Variants in VPS39 observed in about 807,000 individuals in gnomAD.
VPS39 encodes the protein vam6/Vps39-like protein.
VPS39 carries 70 observed loss-of-function variants against 121.0 expected under a neutral mutation model. That is an observed-to-expected ratio of 0.58 (90% CI 0.48 to 0.71). The LOEUF is 0.71. Ranked by LOEUF, VPS39 falls within the 30% of genes least tolerant of loss-of-function variation. VPS39 has a pLI of 0.00. For synonymous variants in VPS39, 378 were observed against 398.1 expected, an observed-to-expected ratio of 0.95 and a Z score of 0.60; for missense variants, 818 against 1,051.5, an observed-to-expected ratio of 0.78 and a Z score of 3.07.
intron 8 of VPS39, among the ~76,000 whole-genome samples, chr15:42,180,377 C>T (rs2049557262): frequency 6.6e-6 from 1 of 152,202 alleles, no homozygotes; most frequent in Non-Finnish European, 1.5e-5. Context: ...CTTCCTCTCT[C>T]TTTTGAAAAT....
chr15:42,169,285 G>A (rs1035716213), intron 12 of VPS39, among the ~76,000 whole-genome samples: 4 of 152,134 alleles, frequency 2.6e-5, no homozygotes, highest in Non-Finnish European at 5.9e-5. Context: ...ACACTAAAAT[G>A]TTAGTTTCTT....
chr15:42,165,488 T>C (rs1408766459), intron 17 of VPS39: 1 of 488,438 alleles, frequency 2.0e-6, no homozygotes, highest in Non-Finnish European at 3.6e-6. Flanking sequence ...TTTGGAATTT[T>C]TTTTTCTAAA....
At chr15:42,175,158 A>G (rs544062010) in intron 10 of VPS39, among the ~76,000 whole-genome samples, 1 of 152,306 alleles carries the variant, frequency 6.6e-6, no homozygotes, top group African/African-American at 2.4e-5. Flanking sequence ...TCACGCCTGT[A>G]ATCCCAGAAC....
At chr15:42,199,497 A>G (rs1186967964) in intron 2 of VPS39, 2 of 426,786 alleles carry the variant, frequency 4.7e-6, no homozygotes, top group Admixed American at 2.9e-5. Flanking sequence ...TAAGCCAACA[A>G]GATATTTTAA....
chr15:42,168,822 C>T (rs1394406153), intron 12 of VPS39, among the ~76,000 whole-genome samples: 1 of 152,202 alleles, frequency 6.6e-6, no homozygotes, highest in Non-Finnish European at 1.5e-5. Flanking sequence ...GGATTACGGG[C>T]ATGACCCACC....
intron 5 of VPS39, among the ~76,000 whole-genome samples, chr15:42,188,888 C>A (rs1255428829): frequency 2.0e-5 from 3 of 152,028 alleles, no homozygotes; most frequent in African/African-American, 4.8e-5. Context: ...ATCACTTGAG[C>A]CCGAGAGGCA....
chr15:42,205,752 T>C (rs1441898815), intron 1 of VPS39, among the ~76,000 whole-genome samples: 1 of 152,126 alleles, frequency 6.6e-6, no homozygotes, highest in East Asian at 1.9e-4. Flanking sequence ...CTGGCAAATA[T>C]AGGGTGATCA....
intron 1 of VPS39, 24 bp downstream of exon 1, chr15:42,208,057 C>T (rs750673967): frequency 3.2e-6 from 5 of 1,563,594 alleles, no homozygotes; most frequent in East Asian, 2.4e-5. Context: ...GACTCCGCCT[C>T]GGCCCCGCGG....
intron 2 of VPS39, among the ~76,000 whole-genome samples, chr15:42,195,489 C>A (rs1433941149): frequency 6.6e-6 from 1 of 152,160 alleles, no homozygotes; most frequent in African/African-American, 2.4e-5. Flanking sequence ...GATACAAAAT[C>A]AATGTGCAAA....
chr15:42,161,138 C>A, intron 24 of VPS39: 1 of 377,122 alleles, frequency 2.7e-6, no homozygotes. Flanking sequence ...TTCCTGAGAG[C>A]CAACAATGTT....
chr15:42,191,114 C>T lies in VPS39; in HGVS notation c.247+11G>A, dbSNP rs766120943. Reference sequence around the variant, plus strand: ...TTAGACACAGGATACAAATGCAACTCCTTTTCTTACCTAACAAGCTGACCA... The same window carrying T: ...TTAGACACAGGATACAAATGCAACTTCTTTTCTTACCTAACAAGCTGACCA... On this transcript the variant is annotated intron_variant, in intron 4 of 24. Coordinates refer to ENST00000318006, the MANE Select transcript of VPS39 (RefSeq NM_015289.5). 3.1e-6 allele frequency: 5 copies of T among 1,613,822 alleles called. No homozygotes were observed. In the East Asian group the frequency reaches 8.9e-5, roughly 29 times the overall value.
chr15:42,160,521 T>G lies in VPS39; in HGVS notation c.*233A>C. On this transcript the variant is annotated 3_prime_UTR_variant, in exon 25 of 25. Transcript: ENST00000318006. ...CAAGCAGGTACTGAATTCTCTGGAA[T>G]TGCCCACAACATAATGGTATAAGGT... is the stretch of plus-strand genomic sequence containing the variant. The G allele has an allele frequency of 5.7e-6, 3 of 521,812 alleles. No homozygotes were observed. The allele number at this position is 521,812 out of a possible 1,614,324, so 32.3% of individuals were successfully genotyped here.
At chr15:42,193,008 G>A (rs571618597) in intron 2 of VPS39, among the ~76,000 whole-genome samples, 1 of 152,194 alleles carries the variant, frequency 6.6e-6, no homozygotes, top group South Asian at 2.1e-4. Flanking sequence ...TTGAACTCTC[G>A]ACCTCAGGTG....
intron 2 of VPS39, 44 bp from the exon 3 acceptor site, chr15:42,191,604 A>G (rs1490917341): frequency 6.4e-7 from 1 of 1,551,876 alleles, no homozygotes; most frequent in Non-Finnish European, 8.9e-7. Flanking sequence ...ATACAGGGAT[A>G]CATAGAAAAA....
At chr15:42,179,805 T>C (rs2049544054) in intron 8 of VPS39, among the ~76,000 whole-genome samples, 1 of 152,094 alleles carries the variant, frequency 6.6e-6, no homozygotes, top group African/African-American at 2.4e-5. Context: ...TGGCTATTTT[T>C]ATTCCCTCCC....
At chr15:42,178,152 T>C (rs1595659129) in intron 10 of VPS39, 66 bp downstream of exon 10, 3 of 1,603,786 alleles carry the variant, frequency 1.9e-6, no homozygotes, top group South Asian at 2.2e-5. Context: ...AATATGAACA[T>C]TGAAACCCAA....
chr15:42,161,953 G>C (rs966296680), intron 23 of VPS39, 79 bp downstream of exon 23: 1 of 1,602,204 alleles, frequency 6.2e-7, no homozygotes, highest in Non-Finnish European at 8.5e-7. Flanking sequence ...GCTCTGCCTT[G>C]GTCAGAAGGG....
Position 42,167,376 on chromosome 15 carries a change from A to C in VPS39, c.1377+18T>G, listed in dbSNP as rs1566892124. On this transcript the variant is annotated intron_variant, in intron 13 of 24. Coordinates refer to ENST00000318006, the MANE Select transcript of VPS39 (RefSeq NM_015289.5). The stretch of plus-strand genomic sequence containing the variant: ...GGGTAACTGGGAATTGTGGCACCCG[A>C]GCGCTCAGGTAACTCACATGGAGAT... 5.0e-6 allele frequency: 8 copies of C among 1,613,598 alleles called. No homozygotes were observed. Among genetic ancestry groups the C allele is most frequent in the Non-Finnish European group, 6.8e-6 (8 of 1,179,680 alleles).
chr15:42,205,877 C>A (rs994885503), intron 1 of VPS39, among the ~76,000 whole-genome samples: 3 of 152,040 alleles, frequency 2.0e-5, no homozygotes, highest in African/African-American at 7.3e-5. Context: ...GTAGAACACA[C>A]AAGATTTGCT....
Sources: allele counts gnomAD v4.1 joint callset (sites outside exome capture counted in the v4.1 genomes callset), GRCh38; gene constraint gnomAD v4.1.1; transcripts MANE v1.5; gene names NCBI Gene and HGNC (gene_info 2026-07-23, HGNC 2026-07-21).